Variants in SIMC1 observed in about 807,000 individuals in gnomAD.
The protein encoded by SIMC1 is SUMO-interacting motif-containing protein 1.
SIMC1 carries 55 observed loss-of-function variants against 82.3 expected under a neutral mutation model. The observed-to-expected ratio is 0.67, with a 90% CI of 0.54 to 0.84. The LOEUF (loss-of-function observed/expected upper bound fraction) is 0.84, where lower values mean the gene tolerates loss of function less well. SIMC1 is among the 40% of genes least tolerant of loss of function. The pLI, the probability that SIMC1 is intolerant of heterozygous loss-of-function variation, is 0.00. For missense variants in SIMC1, 915 were observed against 1,107.2 expected (o/e 0.83, Z 2.46); for synonymous variants, 353 against 426.3 (o/e 0.83, Z 2.12).
chr5:176,248,963 G>A (rs964413236), intron 1 of SIMC1, among the ~76,000 whole-genome samples: 61 of 152,242 alleles, frequency 4.0e-4, no homozygotes, highest in Admixed American at 1.8e-3. Context: ...ATTTGATCGT[G>A]GTGGATAAGC....
In SIMC1 at chr5:176,336,738, C is replaced by T. The variant is rs1765913042; in HGVS notation, c.2190C>T (p.Thr730=). The T allele has an allele frequency of 6.2e-7, 1 of 1,613,828 alleles. No individual in the cohort carries two copies. Among genetic ancestry groups the T allele is most frequent in the African/African-American group, 1.3e-5 (1 of 74,900 alleles). Residue 730 remains threonine, a synonymous_variant, in exon 8 of 10, where the codon ACC becomes ACT. Coordinates refer to ENST00000429602, the MANE Select transcript of SIMC1 (RefSeq NM_001308195.2). The part of the protein sequence containing the change: ...ERSQREMFFT[T]MESHLLRCKV... ...CACACAGAGAAATGTTCTTTACTAC[C>T]ATGGAAAGCCACCTTCTGCGCTGCA...
chr5:176,331,833 G>A (rs1305288668), intron 7 of SIMC1, among the ~76,000 whole-genome samples: 2 of 151,910 alleles, frequency 1.3e-5, no homozygotes, highest in South Asian at 2.1e-4. Flanking sequence ...GCCAGGTGTG[G>A]TGGCGGGCGC....
intron 4 of SIMC1, among the ~76,000 whole-genome samples, chr5:176,305,143 G>GGAGGT (rs1764259313): frequency 7.8e-6 from 1 of 127,850 alleles, no homozygotes; most frequent in East Asian, 2.5e-4. Flanking sequence ...AGGAGGGGGG[G>GGAGGT]GGGGTCAGCC....
chr5:176,313,577 G>T, intron 4 of SIMC1, 114 bp from the exon 5 acceptor site: 3 of 1,556,860 alleles, frequency 1.9e-6, no homozygotes, highest in Non-Finnish European at 1.8e-6. Flanking sequence ...TTAAGCACAG[G>T]CATACTTGTT....
intron 1 of SIMC1, among the ~76,000 whole-genome samples, chr5:176,282,434 C>T (rs1017337787): frequency 6.6e-6 from 1 of 152,224 alleles, no homozygotes; most frequent in African/African-American, 2.4e-5. Context: ...GTGCGCTGCA[C>T]CCACTGACCT....
chr5:176,259,950 T>C (rs1197499229), intron 1 of SIMC1, among the ~76,000 whole-genome samples: 1 of 150,834 alleles, frequency 6.6e-6, no homozygotes, highest in Non-Finnish European at 1.5e-5. Context: ...TCATGCTAGC[T>C]TTTTAAAATT....
intron 1 of SIMC1, among the ~76,000 whole-genome samples, chr5:176,283,357 G>A (rs577608517): frequency 4.1e-4 from 62 of 152,354 alleles, no homozygotes; most frequent in Admixed American, 1.4e-3. Flanking sequence ...AGAAGAGAGT[G>A]GGGGCCAGTA....
At chr5:176,278,870 T>G (rs1357914027) in intron 1 of SIMC1, among the ~76,000 whole-genome samples, 1 of 150,940 alleles carries the variant, frequency 6.6e-6, no homozygotes, top group Non-Finnish European at 1.5e-5. Flanking sequence ...TATTGAGGAT[T>G]TTTGCATCAA....
intron 1 of SIMC1, among the ~76,000 whole-genome samples, chr5:176,249,937 T>TA (rs201770940): frequency 0.016 from 2,396 of 152,034 alleles, 54 homozygotes; most frequent in African/African-American, 0.055. Flanking sequence ...ACCCTGATCT[T>TA]AGTTATTTCT....
intron 1 of SIMC1, among the ~76,000 whole-genome samples, chr5:176,273,288 T>G (rs769752713): frequency 4.8e-4 from 73 of 152,318 alleles, no homozygotes; most frequent in Non-Finnish European, 9.0e-4. Context: ...TTCACTGTTC[T>G]GCAGCCTCTA....
intron 1 of SIMC1, among the ~76,000 whole-genome samples, chr5:176,253,198 C>T (rs1385994841): frequency 6.6e-6 from 1 of 152,118 alleles, no homozygotes; most frequent in Non-Finnish European, 1.5e-5. Flanking sequence ...TATTGGCCCC[C>T]ACTCTCTTCT....
At chr5:176,244,832 C>T (rs1307709529) in intron 1 of SIMC1, among the ~76,000 whole-genome samples, 1 of 150,728 alleles carries the variant, frequency 6.6e-6, no homozygotes, top group African/African-American at 2.4e-5. Flanking sequence ...AGTGATTCTC[C>T]TGCCTCAGAC....
intron 3 of SIMC1, among the ~76,000 whole-genome samples, chr5:176,295,570 C>T (rs1763778107): frequency 6.6e-6 from 1 of 152,086 alleles, no homozygotes. Context: ...CATGTGGTAG[C>T]CTCTCAGCCT....
In SIMC1 at chr5:176,336,881, AT is replaced by A; in HGVS notation, c.2328+11del. The A allele has an allele frequency of 6.2e-7, 1 of 1,613,256 alleles. No individual in the cohort carries two copies. The highest frequency in any genetic ancestry group is 8.5e-7 in the Non-Finnish European group (1 of 1,179,772). ...ACGTCACTGCTCAAGTGTCAGGTAC[AT>A]TTTTTCCTGCCCAATTTCAGGCCTA... is the stretch of plus-strand genomic sequence containing the variant. On this transcript the variant is annotated splice_donor_region_variant and intron_variant, in intron 8 of 9. Transcript: ENST00000429602.
intron 7 of SIMC1, among the ~76,000 whole-genome samples, chr5:176,327,637 C>T (rs1388154912): frequency 3.9e-5 from 6 of 152,140 alleles, no homozygotes; most frequent in South Asian, 2.1e-4. Flanking sequence ...GTTGGAGAAG[C>T]AGTGAGAGTA....
intron 4 of SIMC1, among the ~76,000 whole-genome samples, chr5:176,306,928 A>T (rs1444005806): frequency 1.7e-4 from 19 of 109,788 alleles, no homozygotes; most frequent in African/African-American, 5.2e-4. Flanking sequence ...AATTAAAAAA[A>T]AAAAATAATA....
rs1275831530 is a variant in SIMC1 at position 176,295,156 on chromosome 5, C to A, written c.1558C>A (p.Pro520Thr). The A allele has an allele frequency of 1.9e-6, 3 of 1,613,318 alleles. No homozygotes were observed. The highest frequency in any genetic ancestry group is 2.5e-6 in the Non-Finnish European group (3 of 1,179,664). ...GGACTTTGTGTCACCCCAGCATTAC[C>A]CACCAAGAGAAATCGTGGCTCACAT... ...LMDFVSPQHY[P>T]PREIVAHIIQ... The change falls in exon 3 of 10, where the codon CCA becomes ACA. Residue 520 changes from proline (P) to threonine (T), a missense_variant. Physicochemically the swap from Pro to Thr is conservative, Grantham distance 38. Around this residue, in one of 2 missense-constraint regions of SIMC1, gnomAD observed 902 missense variants for 1,040.3 expected, o/e 0.87. Transcript: ENST00000429602.
At chr5:176,261,761 A>G (rs967786203) in intron 1 of SIMC1, among the ~76,000 whole-genome samples, 3 of 151,756 alleles carry the variant, frequency 2.0e-5, no homozygotes, top group African/African-American at 4.8e-5. Context: ...AAAAAAAGGA[A>G]AAAAAAAAGT....
intron 1 of SIMC1, among the ~76,000 whole-genome samples, chr5:176,258,770 T>G (rs1761925961): frequency 1.3e-5 from 2 of 151,262 alleles, no homozygotes; most frequent in South Asian, 4.2e-4. Context: ...TGAAATTAAC[T>G]TGGGTCTTAA....
Sources: allele counts gnomAD v4.1 joint callset (sites outside exome capture counted in the v4.1 genomes callset), GRCh38; gene constraint gnomAD v4.1.1; regional missense constraint gnomAD v4.1.1; transcripts MANE v1.5; gene names NCBI Gene and HGNC (gene_info 2026-07-23, HGNC 2026-07-21).